Variants in FANCA observed in about 807,000 individuals in gnomAD.
FANCA encodes FA complementation group A.
A neutral mutation model predicts 194.3 loss-of-function variants in FANCA; 236 were observed. That is an observed-to-expected ratio of 1.21 (90% confidence interval 1.09 to 1.35). FANCA has a LOEUF of 1.35. Ranked by LOEUF, FANCA falls within the 40% of genes most tolerant of loss-of-function variation. FANCA has a pLI of 0.00. For synonymous variants in FANCA, 1,014 were observed against 715.8 expected, an observed-to-expected ratio of 1.42 and a Z score of -6.65; for missense variants, 2,628 against 1,813.9, an observed-to-expected ratio of 1.45 and a Z score of -8.15.
Position 89,737,634 on chromosome 16 carries a change from G to T in FANCA, c.*967C>A. The T allele has an allele frequency of 7.6e-7, 1 of 1,324,396 alleles. No homozygotes were observed. The highest frequency in any genetic ancestry group is 1.0e-6 in the Non-Finnish European group (1 of 992,206). 82.0% of individuals were successfully genotyped at this position (1,324,396 alleles called of 1,614,324 possible). On this transcript the variant is annotated 3_prime_UTR_variant, in exon 43 of 43. Coordinates refer to ENST00000389301, the MANE Select transcript of FANCA (RefSeq NM_000135.4). ...AAGCCACGTGACAGTGTATAAAGCA[G>T]TTTAAAGATCTTAATAAACGAGGCC...
chr16:89,779,927 T>G lies in FANCA; in HGVS notation c.1657A>C (p.Lys553Gln). 1 of 1,614,188 alleles carries G rather than the reference T, an allele frequency of 6.2e-7. No homozygotes were observed. Among genetic ancestry groups the G allele is most frequent in the Non-Finnish European group, 8.5e-7 (1 of 1,180,042 alleles). Residue 553 changes from lysine to glutamine, a missense_variant, in exon 18 of 43, where the codon AAG becomes CAG. Physicochemically the swap from Lys to Gln is moderately conservative, Grantham distance 53 (BLOSUM62 1). Coordinates refer to ENST00000389301, the MANE Select transcript of FANCA (RefSeq NM_000135.4). ...PHSQALQDVE[K>Q]AIMVFEHTGN... ...GTATGCTCAAACACCATGATGGCCT[T>G]TTCAACATCCTGAAGAGCTTGGCTG...
At chr16:89,739,627 G>A (rs1344294782) in intron 39 of FANCA, 74 bp from the exon 40 acceptor site, 137 of 1,521,540 alleles carry the variant, frequency 9.0e-5, no homozygotes, top group South Asian at 8.5e-4. Context: ...CACCCCTGGG[G>A]GTCGGGACGT....
At position 89,744,725 on chromosome 16, in the gene FANCA, C is replaced by T. The variant is rs1447033676; in HGVS notation, c.3626+234G>A. 3.7e-5 allele frequency: 21 copies of T among 569,266 alleles called. No homozygotes were observed. In the East Asian group the frequency reaches 5.4e-4, roughly 15 times the overall value. The allele number at this position is 569,266 out of a possible 1,614,324, so 35.3% of individuals were successfully genotyped here. The stretch of plus-strand genomic sequence containing the variant: ...GCTCTATTGGCCGTTGGAGTGATCT[C>T]GGCTCACTGGAAACTCCACCTCCTG... On this transcript the variant is annotated intron_variant, in intron 36 of 42. Coordinates refer to ENST00000389301, the MANE Select transcript of FANCA (RefSeq NM_000135.4).
intron 30 of FANCA, among the ~76,000 whole-genome samples, chr16:89,757,508 T>C (rs979534899): frequency 1.3e-5 from 2 of 152,158 alleles, no homozygotes; most frequent in Non-Finnish European, 2.9e-5. Context: ...ACATACTACA[T>C]GATTCTGTTG....
At position 89,773,916 on chromosome 16, in the gene FANCA, C is replaced by T. The variant is rs562680600; in HGVS notation, c.1901-532G>A. 5.9e-5 allele frequency among the ~76,000 whole-genome samples: 9 copies of T among 152,000 alleles called. No homozygotes were observed. The South Asian group carries it at 1.7e-3, about 28-fold the overall frequency. On this transcript the variant is annotated intron_variant, in intron 21 of 42. Coordinates refer to ENST00000389301, the MANE Select transcript of FANCA (RefSeq NM_000135.4). ...TCCCGAGTAGCTGGGACTACAGGCA[C>T]GCACCACCACATCCAGCTAATTTTT...
In FANCA at chr16:89,739,119, G is replaced by A. The variant is rs1180253164; in HGVS notation, c.4167+14C>T. The A allele has an allele frequency of 1.9e-6, 3 of 1,613,934 alleles. No individual in the cohort carries two copies. The highest frequency in any genetic ancestry group is 2.5e-6 in the Non-Finnish European group (3 of 1,179,980). On this transcript the variant is annotated intron_variant, in intron 41 of 42. Coordinates refer to ENST00000389301, the MANE Select transcript of FANCA (RefSeq NM_000135.4). ...GGGAGCTCCCCTGGAGGTGGGACTGGCCCTTGCACCTGCCTGACCCTTGAG... is the reference window on the plus strand; with the variant it reads ...GGGAGCTCCCCTGGAGGTGGGACTGACCCTTGCACCTGCCTGACCCTTGAG...
In FANCA at chr16:89,805,138, G is replaced by T. The variant is rs2040590749; in HGVS notation, c.709+142C>A. The stretch of plus-strand genomic sequence containing the variant: ...GTAAAATGCAACCCCACAACAGGCT[G>T]AGACTGGGAGTCTGTCATGCCAGGT... On this transcript the variant is annotated intron_variant, in intron 7 of 42. Transcript: ENST00000389301. The T allele has an allele frequency of 2.6e-5, 18 of 696,608 alleles. No homozygotes were observed. The South Asian group carries it at 2.8e-4, about 11-fold the overall frequency. The allele number at this position is 696,608 out of a possible 1,614,324, so 43.2% of individuals were successfully genotyped here. A position where few individuals can be genotyped will look rare whatever the true frequency, so the allele number is the denominator to read the frequency against.
In FANCA at chr16:89,796,001, C is replaced by G. The variant is rs745451374; in HGVS notation, c.911G>C (p.Gly304Ala). 8.7e-6 allele frequency: 14 copies of G among 1,613,828 alleles called. No individual in the cohort carries two copies. In the East Asian group the frequency reaches 2.7e-4, roughly 31 times the overall value. ...IVRCWFGVFSGHTLGSVISTD... is the reference protein window; with the variant it reads ...IVRCWFGVFSAHTLGSVISTD... ...GGAAATTACACTGCCAAGCGTGTGT[C>G]CACTGAACACTCCGAACCTGCCAAT... Residue 304 changes from glycine to alanine, a missense_variant, in exon 11 of 43, where the codon GGA becomes GCA. Transcript: ENST00000389301.
chr16:89,813,242 C>T (rs1031189760), intron 3 of FANCA, among the ~76,000 whole-genome samples: 1 of 151,704 alleles, frequency 6.6e-6, no homozygotes, highest in Non-Finnish European at 1.5e-5. Flanking sequence ...TGGCAAAACC[C>T]TGTCTCTATG....
intron 6 of FANCA, among the ~76,000 whole-genome samples, chr16:89,807,962 G>A (rs2040722804): frequency 6.6e-6 from 1 of 152,146 alleles, no homozygotes; most frequent in African/African-American, 2.4e-5. Context: ...GGAGGCTGAG[G>A]CAGGAGAATT....
intron 14 of FANCA, among the ~76,000 whole-genome samples, chr16:89,786,599 G>C (rs572657630): frequency 6.6e-6 from 1 of 152,302 alleles, no homozygotes; most frequent in South Asian, 2.1e-4. Context: ...TTACAGGCAT[G>C]AACTATCACA....
chr16:89,756,191 A>C (rs1332068267), intron 30 of FANCA, among the ~76,000 whole-genome samples: 2 of 152,218 alleles, frequency 1.3e-5, no homozygotes, highest in Non-Finnish European at 2.9e-5. Flanking sequence ...CCAGTTTTCA[A>C]ATGGGCTAAG....
rs4785721 is a variant in FANCA, at chr16:89,773,589, G to A, written c.1901-205C>T. Among the ~76,000 whole-genome samples the A allele has an allele frequency of 0.5, 75,515 of 151,660 alleles. 20,543 individuals are homozygous for A. Among genetic ancestry groups the A allele is most frequent in the East Asian group, 0.98 (5,038 of 5,164 alleles). On this transcript the variant is annotated intron_variant, in intron 21 of 42. Coordinates refer to ENST00000389301, the MANE Select transcript of FANCA (RefSeq NM_000135.4). ...CACATCGAAAATTACAATTATAAAC[G>A]AGTTTCATAAAAAATTACATTTATA...
At chr16:89,771,629 A>G (rs1285160043) in intron 23 of FANCA, 49 bp downstream of exon 23, 3 of 1,608,548 alleles carry the variant, frequency 1.9e-6, no homozygotes, top group South Asian at 1.1e-5. Flanking sequence ...CCTCTGCCTA[A>G]TGGAAAATGG....
chr16:89,793,312 C>G (rs144352354), intron 11 of FANCA, among the ~76,000 whole-genome samples: 1 of 152,104 alleles, frequency 6.6e-6, no homozygotes, highest in African/African-American at 2.4e-5. Flanking sequence ...TGGCCCTGTC[C>G]GGGCATAACA....
At chr16:89,809,426 T>G (rs2040791436) in intron 5 of FANCA, among the ~76,000 whole-genome samples, 1 of 151,592 alleles carries the variant, frequency 6.6e-6, no homozygotes, top group African/African-American at 2.4e-5. Context: ...GATAAAAGAA[T>G]GGGAAAGGCC....
Position 89,812,658 on chromosome 16 carries a change from A to ACAAC in FANCA, c.284-1588_284-1587insGTTG, listed in dbSNP as rs1323684535. On this transcript the variant is annotated intron_variant, in intron 3 of 42. Transcript: ENST00000389301. ...CAATACTCCGTCTCAAAAAAAAAAA[A>ACAAC]AAAAAAAAAAAACTGTTAACTGCAG... Among the ~76,000 whole-genome samples the ACAAC allele has an allele frequency of 1.6e-4, 23 of 148,274 alleles. 1 individual carries two copies. Among genetic ancestry groups the ACAAC allele is most frequent in the South Asian group, 8.6e-4 (4 of 4,668 alleles).
At chr16:89,765,675 C>G (rs2159113) in intron 27 of FANCA, among the ~76,000 whole-genome samples, 1 of 152,114 alleles carries the variant, frequency 6.6e-6, no homozygotes, top group Non-Finnish European at 1.5e-5. Flanking sequence ...GCTGCGTGAC[C>G]GTGTCCATCT....
At chr16:89,816,109 G>T (rs760036085) in intron 1 of FANCA, 123 bp from the exon 2 acceptor site, 1 of 757,410 alleles carries the variant, frequency 1.3e-6, no homozygotes, top group East Asian at 2.7e-5. Flanking sequence ...AGGGGCCGGG[G>T]CTCCTCCCCA....
Sources: gnomAD v4.1 joint callset for allele counts (sites outside exome capture counted in the v4.1 genomes callset) on GRCh38, gnomAD v4.1.1 for gene constraint, MANE v1.5 for transcripts, NCBI Gene and HGNC (gene_info 2026-07-23, HGNC 2026-07-21) for gene names.